Variants in NCOR1 observed in about 807,000 individuals in gnomAD.
The protein encoded by NCOR1 is nuclear receptor corepressor 1, also known as protein phosphatase 1, regulatory subunit 109.
NCOR1 carries 63 observed loss-of-function variants against 288.1 expected under a neutral mutation model. That is an observed-to-expected ratio of 0.22 (90% CI 0.18 to 0.27). The LOEUF (loss-of-function observed/expected upper bound fraction) is 0.27, where lower values mean the gene tolerates loss of function less well. Among genes scored for constraint, NCOR1 ranks in the 10% least tolerant of loss-of-function variants. NCOR1 has a pLI of 1.00. For missense variants in NCOR1, 2,397 were observed against 3,019.2 expected, an observed-to-expected ratio of 0.79 and a Z score of 4.83; for synonymous variants, 1,007 against 1,065.9, an observed-to-expected ratio of 0.94 and a Z score of 1.08.
chr17:16,031,875 T>TA lies in NCOR1; in HGVS notation c.*420dup. The TA allele has an allele frequency of 4.3e-6, 1 of 234,982 alleles. No homozygotes were observed. The highest frequency in any genetic ancestry group is 8.4e-6 in the Non-Finnish European group (1 of 119,496). 14.6% of individuals were successfully genotyped at this position (234,982 alleles called of 1,614,324 possible). A position where few individuals can be genotyped will look rare whatever the true frequency, so the allele number is the denominator to read the frequency against. On this transcript the variant is annotated 3_prime_UTR_variant, in exon 46 of 46. Coordinates refer to ENST00000268712, the MANE Select transcript of NCOR1 (RefSeq NM_006311.4). Reference sequence around the variant, plus strand: ...AAAGATAGATAGACAAAAAGATTTTTAAAAATCACCCCCAAAGTTGATGCG... The same window carrying TA: ...AAAGATAGATAGACAAAAAGATTTTTAAAAAATCACCCCCAAAGTTGATGCG...
At chr17:16,058,714 C>T in intron 37 of NCOR1, 115 bp from the exon 38 acceptor site, 1 of 1,106,278 alleles carries the variant, frequency 9.0e-7, no homozygotes, top group South Asian at 1.8e-5. Context: ...CAAAGGTATT[C>T]CAGGTTAATG....
intron 17 of NCOR1, 114 bp from the exon 18 acceptor site, chr17:16,118,141 G>T: frequency 2.0e-6 from 2 of 1,025,450 alleles, no homozygotes; most frequent in Non-Finnish European, 2.8e-6. Flanking sequence ...CTAGAAGTGT[G>T]CTTTCAATTA....
chr17:16,127,927 C>G (rs1375823205), intron 14 of NCOR1, among the ~76,000 whole-genome samples: 1 of 151,904 alleles, frequency 6.6e-6, no homozygotes, highest in Non-Finnish European at 1.5e-5. Flanking sequence ...TCATAGCTTA[C>G]TGCAGCCTCA....
intron 22 of NCOR1, chr17:16,091,635 T>C: frequency 7.3e-7 from 1 of 1,365,266 alleles, no homozygotes; most frequent in Non-Finnish European, 9.5e-7. Flanking sequence ...TATCAGAAAA[T>C]TCACATTAAC....
chr17:16,201,684 G>C (rs2090829971), intron 1 of NCOR1, among the ~76,000 whole-genome samples: 1 of 152,222 alleles, frequency 6.6e-6, no homozygotes, highest in South Asian at 2.1e-4. Flanking sequence ...CAAGACAGCA[G>C]TACAATGTAA....
intron 44 of NCOR1, among the ~76,000 whole-genome samples, chr17:16,035,398 G>A (rs1353321183): frequency 6.6e-6 from 1 of 151,950 alleles, no homozygotes; most frequent in Admixed American, 6.6e-5. Context: ...GCATCTTCAG[G>A]GGCAGATTCA....
In NCOR1 at chr17:16,194,602, A is replaced by C. The variant is rs1342095152; in HGVS notation, c.-33T>G. 1.0e-5 allele frequency: 13 copies of C among 1,301,342 alleles called. No individual in the cohort carries two copies. In the Admixed American group the frequency reaches 2.5e-4, roughly 25 times the overall value. The allele number at this position is 1,301,342 out of a possible 1,614,324, so 80.6% of individuals were successfully genotyped here. A position where few individuals can be genotyped will look rare whatever the true frequency, so the allele number is the denominator to read the frequency against. ...AAAGAAGTCCTCACCAGACTGTGAGATCAATGCCAATAAACAATCATGTTT... is the reference window on the plus strand; with the variant it reads ...AAAGAAGTCCTCACCAGACTGTGAGCTCAATGCCAATAAACAATCATGTTT... On this transcript the variant is annotated 5_prime_UTR_variant, in exon 2 of 46. Coordinates refer to ENST00000268712, the MANE Select transcript of NCOR1 (RefSeq NM_006311.4).
intron 28 of NCOR1, among the ~76,000 whole-genome samples, chr17:16,072,794 C>T (rs1471930051): frequency 1.3e-5 from 2 of 152,054 alleles, no homozygotes; most frequent in African/African-American, 2.4e-5. Context: ...CAGGACTTAC[C>T]CTGCTTTTAG....
chr17:16,195,333 C>T (rs2089531049), intron 1 of NCOR1, among the ~76,000 whole-genome samples: 1 of 151,942 alleles, frequency 6.6e-6, no homozygotes, highest in Non-Finnish European at 1.5e-5. Context: ...TAGCCGGGCA[C>T]GGTGACATGC....
At chr17:16,065,440 T>C in intron 33 of NCOR1, 45 bp downstream of exon 33, 1 of 1,590,188 alleles carries the variant, frequency 6.3e-7, no homozygotes. Context: ...AAACACTAGG[T>C]AAACATAATA....
chr17:16,072,311 A>G, intron 28 of NCOR1, 83 bp from the exon 29 acceptor site: 3 of 1,035,786 alleles, frequency 2.9e-6, no homozygotes, highest in Non-Finnish European at 4.2e-6. Context: ...CTTAAAGTCT[A>G]TGTTTTTGAT....
chr17:16,094,645 G>A (rs1271343397), intron 21 of NCOR1, among the ~76,000 whole-genome samples: 2 of 151,974 alleles, frequency 1.3e-5, no homozygotes, highest in South Asian at 4.2e-4. Flanking sequence ...CTGCCATCTC[G>A]GCTCACTGCA....
At chr17:16,081,640 C>T (rs1367533500) in intron 23 of NCOR1, among the ~76,000 whole-genome samples, 1 of 152,168 alleles carries the variant, frequency 6.6e-6, no homozygotes, top group Non-Finnish European at 1.5e-5. Flanking sequence ...CTCTGGGAGA[C>T]TCCATTCACA....
Position 16,062,347 on chromosome 17 carries a change from T to G in NCOR1, c.5222-77A>C. 2.1e-6 allele frequency: 3 copies of G among 1,397,744 alleles called. No individual in the cohort carries two copies. The East Asian group carries it at 7.4e-5, about 35-fold the overall frequency. The allele number at this position is 1,397,744 out of a possible 1,614,324, so 86.6% of individuals were successfully genotyped here. On this transcript the variant is annotated intron_variant, in intron 35 of 45. Transcript: ENST00000268712. ...ACAAAAGGAAGCAATGCTTATGGAT[T>G]GTTTATTTCCTAACATACCTAAATA...
intron 21 of NCOR1, among the ~76,000 whole-genome samples, chr17:16,096,790 A>AGC (rs2066708247): frequency 6.6e-6 from 1 of 152,222 alleles, no homozygotes; most frequent in African/African-American, 2.4e-5. Flanking sequence ...ACCCAAGCCC[A>AGC]GCACAAGAGG....
At chr17:16,119,636 TC>T in intron 16 of NCOR1, 151 bp from the exon 17 acceptor site, 1 of 484,094 alleles carries the variant, frequency 2.1e-6, no homozygotes, top group Admixed American at 3.8e-5. Flanking sequence ...TAGTAACCTC[TC>T]CTCCACCAAA....
chr17:16,198,964 C>A (rs1443885227), intron 1 of NCOR1, among the ~76,000 whole-genome samples: 2 of 151,882 alleles, frequency 1.3e-5, no homozygotes, highest in Non-Finnish European at 2.9e-5. Context: ...ATTAGAAACC[C>A]ATGAGGTACA....
At chr17:16,146,106 T>C (rs973894994) in intron 10 of NCOR1, among the ~76,000 whole-genome samples, 4 of 152,116 alleles carry the variant, frequency 2.6e-5, no homozygotes, top group Non-Finnish European at 5.9e-5. Context: ...AGCATGCTCG[T>C]TAAGAGTCAT....
chr17:16,092,686 T>TAC (rs2065552022), intron 21 of NCOR1, among the ~76,000 whole-genome samples: 1 of 15,064 alleles, frequency 6.6e-5, no homozygotes, highest in African/African-American at 3.0e-4. Flanking sequence ...TATATATATA[T>TAC]ATATATATAT....
Sources: allele counts gnomAD v4.1 joint callset (sites outside exome capture counted in the v4.1 genomes callset), GRCh38; gene constraint gnomAD v4.1.1; transcripts MANE v1.5; gene names NCBI Gene and HGNC (gene_info 2026-07-23, HGNC 2026-07-21).